B3GALT1: variants seen among roughly 807,000 people sequenced by gnomAD.
The protein encoded by B3GALT1 is beta-1,3-galactosyltransferase 1, also known as UDP-Gal:betaGlcNAc beta 1,3-galactosyltransferase, polypeptide 1.
B3GALT1 carries 10 observed loss-of-function variants against 23.2 expected under a neutral mutation model. The ratio of observed to expected loss-of-function variants is 0.43; its 90% CI spans 0.27 to 0.73. The LOEUF (loss-of-function observed/expected upper bound fraction) is 0.73, where lower values mean the gene tolerates loss of function less well. Ranked by LOEUF, B3GALT1 falls within the 30% of genes least tolerant of loss-of-function variation. The pLI is 0.21. For synonymous variants in B3GALT1, 156 were observed against 141.5 expected, an observed-to-expected ratio of 1.10 and a Z score of -0.73; for missense variants, 299 against 405.4, an observed-to-expected ratio of 0.74 and a Z score of 2.25.
At chr2:167,789,544 G>C (rs1426240002) in intron 3 of B3GALT1, among the ~76,000 whole-genome samples, 2 of 152,154 alleles carry the variant, frequency 1.3e-5, no homozygotes, top group Non-Finnish European at 2.9e-5. Context: ...TAATAATGAT[G>C]ATGGTGATAG....
intron 4 of B3GALT1, among the ~76,000 whole-genome samples, chr2:167,861,280 G>C (rs1250442558): frequency 6.6e-6 from 1 of 152,196 alleles, no homozygotes; most frequent in Non-Finnish European, 1.5e-5. Flanking sequence ...TGTATTAAAT[G>C]AATTTTCAAC....
At chr2:167,384,070 G>A (rs1697883425) in intron 1 of B3GALT1, among the ~76,000 whole-genome samples, 1 of 152,214 alleles carries the variant, frequency 6.6e-6, no homozygotes, top group Non-Finnish European at 1.5e-5. Context: ...TCAGTAACCA[G>A]CGATTTGAAC....
intron 3 of B3GALT1, among the ~76,000 whole-genome samples, chr2:167,806,475 A>AT (rs1319542249): frequency 6.6e-6 from 1 of 152,154 alleles, no homozygotes; most frequent in Non-Finnish European, 1.5e-5. Flanking sequence ...AGCTCTTATT[A>AT]TTTTGAGATG....
intron 2 of B3GALT1, among the ~76,000 whole-genome samples, chr2:167,548,283 C>A (rs567766990): frequency 6.6e-6 from 1 of 152,248 alleles, no homozygotes; most frequent in East Asian, 1.9e-4. Context: ...AGAAGGAAAT[C>A]AAAAAGAGAA....
chr2:167,457,261 C>G (rs1158145680), intron 1 of B3GALT1, among the ~76,000 whole-genome samples: 1 of 152,064 alleles, frequency 6.6e-6, no homozygotes, highest in Non-Finnish European at 1.5e-5. Context: ...CAGCTTCCGC[C>G]TCCCAGGTTC....
intron 3 of B3GALT1, among the ~76,000 whole-genome samples, chr2:167,777,090 T>C (rs568230812): frequency 1.3e-3 from 199 of 152,224 alleles, no homozygotes; most frequent in Non-Finnish European, 2.5e-3. Context: ...AGACAAACTC[T>C]CTAATTTTTC....
intron 1 of B3GALT1, among the ~76,000 whole-genome samples, chr2:167,426,238 T>C (rs1424555769): frequency 6.6e-6 from 1 of 152,096 alleles, no homozygotes; most frequent in Admixed American, 6.5e-5. Context: ...ATGATAGAAA[T>C]TTGAAACTTG....
intron 2 of B3GALT1, among the ~76,000 whole-genome samples, chr2:167,640,501 A>G (rs937487598): frequency 2.0e-5 from 3 of 151,842 alleles, no homozygotes; most frequent in Admixed American, 1.3e-4. Context: ...ATTTTAATAA[A>G]CTATGTCAAA....
At chr2:167,771,892 A>G (rs1688078363) in intron 3 of B3GALT1, among the ~76,000 whole-genome samples, 1 of 152,206 alleles carries the variant, frequency 6.6e-6, no homozygotes. Context: ...ATTTGGCTCA[A>G]TCAGGGCCAG....
intron 4 of B3GALT1, among the ~76,000 whole-genome samples, chr2:167,858,344 T>TAAA (rs77883366): frequency 8.7e-5 from 6 of 68,976 alleles, no homozygotes; most frequent in Non-Finnish European, 1.6e-4. Flanking sequence ...AAGAGCGAAG[T>TAAA]AAAAAAAAAA....
intron 1 of B3GALT1, among the ~76,000 whole-genome samples, chr2:167,305,252 A>G (rs545805893): frequency 9.9e-5 from 15 of 152,268 alleles, no homozygotes; most frequent in African/African-American, 2.9e-4. Flanking sequence ...ATATATATAT[A>G]TATTTTGCTT....
intron 3 of B3GALT1, among the ~76,000 whole-genome samples, chr2:167,806,485 G>A (rs4667980): frequency 0.2 from 30,872 of 151,968 alleles, 3,665 homozygotes; most frequent in African/African-American, 0.31. Flanking sequence ...ATTTTGAGAT[G>A]CGTCCCATCA....
chr2:167,478,052 A>G (rs1249446593), intron 1 of B3GALT1, among the ~76,000 whole-genome samples: 1 of 152,246 alleles, frequency 6.6e-6, no homozygotes, highest in Non-Finnish European at 1.5e-5. Flanking sequence ...AAATATGAAA[A>G]TCTGCTTTGC....
intron 2 of B3GALT1, among the ~76,000 whole-genome samples, chr2:167,644,735 GCA>G (rs1258073889): frequency 3.6e-5 from 5 of 137,388 alleles, no homozygotes; most frequent in African/African-American, 1.4e-4. Context: ...AGCCAAGATC[GCA>G]CCACTGCACT....
chr2:167,744,647 A>G (rs1687625010), intron 3 of B3GALT1, among the ~76,000 whole-genome samples: 1 of 151,414 alleles, frequency 6.6e-6, no homozygotes, highest in Non-Finnish European at 1.5e-5. Flanking sequence ...GCTGGAGTGC[A>G]GTGGCATGAT....
At chr2:167,818,086 A>C in intron 3 of B3GALT1, among the ~76,000 whole-genome samples, 1 of 152,368 alleles carries the variant, frequency 6.6e-6, no homozygotes, top group East Asian at 1.9e-4. Flanking sequence ...AGAAGACCTT[A>C]GGTAAAAGCT....
intron 2 of B3GALT1, among the ~76,000 whole-genome samples, chr2:167,638,394 A>G (rs957674120): frequency 1.3e-5 from 2 of 152,104 alleles, no homozygotes; most frequent in Admixed American, 6.6e-5. Context: ...TGATTTTTCA[A>G]TGATCTTGTT....
At chr2:167,647,742 T>G (rs1323709079) in intron 3 of B3GALT1, among the ~76,000 whole-genome samples, 1 of 152,170 alleles carries the variant, frequency 6.6e-6, no homozygotes, top group Non-Finnish European at 1.5e-5. Context: ...TCACTCAATT[T>G]TTTTATAGAG....
At chr2:167,661,911 G>C (rs1233648953) in intron 3 of B3GALT1, among the ~76,000 whole-genome samples, 13 of 152,056 alleles carry the variant, frequency 8.5e-5, no homozygotes, top group Non-Finnish European at 1.5e-5. Flanking sequence ...GTCAGGGGTG[G>C]GTTTGAAGAC....
Sources: allele counts gnomAD v4.1 joint callset (sites outside exome capture counted in the v4.1 genomes callset), GRCh38; gene constraint gnomAD v4.1.1; transcripts MANE v1.5; gene names NCBI Gene and HGNC (gene_info 2026-07-23, HGNC 2026-07-21).